Variants in ZBTB7C observed in about 807,000 individuals in gnomAD.
ZBTB7C encodes the protein zinc finger and BTB domain containing 7C.
ZBTB7C carries 8 observed loss-of-function variants against 25.7 expected under a neutral mutation model. The observed-to-expected ratio is 0.31, with a 90% CI of 0.18 to 0.56. ZBTB7C has a LOEUF of 0.56. ZBTB7C is among the 20% of genes least tolerant of loss of function. ZBTB7C has a pLI of 0.91. For missense variants in ZBTB7C, 824 were observed against 855.2 expected (o/e 0.96, Z 0.46); for synonymous variants, 394 against 369.0 (o/e 1.07, Z -0.78).
At chr18:48,298,668 G>A (rs2045464592) in intron 2 of ZBTB7C, among the ~76,000 whole-genome samples, 1 of 152,190 alleles carries the variant, frequency 6.6e-6, no homozygotes, top group Non-Finnish European at 1.5e-5. Context: ...GAGCCCAGGG[G>A]CCAGTGGCTC....
intron 1 of ZBTB7C, among the ~76,000 whole-genome samples, chr18:48,385,581 A>C (rs532196022): frequency 5.9e-5 from 9 of 152,392 alleles, no homozygotes; most frequent in African/African-American, 2.2e-4. Context: ...AAGTGGGCAA[A>C]CATGCCCTGC....
rs150306585 is a variant in ZBTB7C, at chr18:48,084,345, C to A, written c.-16-43222G>T. Among the ~76,000 whole-genome samples, 771 of 152,302 alleles carry A rather than the reference C, an allele frequency of 5.1e-3. 2 individuals are homozygous for A. Among genetic ancestry groups the A allele is most frequent in the Non-Finnish European group, 6.4e-3 (434 of 68,026 alleles). On this transcript the variant is annotated intron_variant, in intron 3 of 4. Coordinates refer to ENST00000590800, the MANE Select transcript of ZBTB7C (RefSeq NM_001318841.2). ...CCCACGATGGGGGCTTAGGTCTCTT[C>A]GCCCTGTTGTTTTGAGTAAGTTTCA...
chr18:48,184,462 T>C (rs2042004355), intron 3 of ZBTB7C, among the ~76,000 whole-genome samples: 1 of 152,062 alleles, frequency 6.6e-6, no homozygotes, highest in Admixed American at 6.6e-5. Flanking sequence ...ATCTGCAAAA[T>C]GGGAATACTG....
At chr18:48,245,124 C>T (rs1236003408) in intron 2 of ZBTB7C, among the ~76,000 whole-genome samples, 1 of 87,598 alleles carries the variant, frequency 1.1e-5, no homozygotes, top group Admixed American at 1.2e-4. Context: ...ACACACACAC[C>T]ATGGAATACT....
At chr18:48,134,408 A>G (rs1189863806) in intron 3 of ZBTB7C, among the ~76,000 whole-genome samples, 2 of 152,096 alleles carry the variant, frequency 1.3e-5, no homozygotes, top group Non-Finnish European at 2.9e-5. Context: ...AGCTAAAACG[A>G]AGGAGGACAG....
At chr18:48,058,245 G>T (rs1421116982) in intron 3 of ZBTB7C, among the ~76,000 whole-genome samples, 2 of 152,132 alleles carry the variant, frequency 1.3e-5, no homozygotes, top group Non-Finnish European at 2.9e-5. Flanking sequence ...AGCTCTAAAG[G>T]GTTGGACCCA....
intron 1 of ZBTB7C, among the ~76,000 whole-genome samples, chr18:48,395,253 G>T (rs371652284): frequency 2.0e-5 from 3 of 149,468 alleles, no homozygotes; most frequent in African/African-American, 7.4e-5. Context: ...TTTAAGGAGA[G>T]AGAGAGAGAG....
At chr18:48,291,348 T>C (rs2045223956) in intron 2 of ZBTB7C, among the ~76,000 whole-genome samples, 1 of 152,190 alleles carries the variant, frequency 6.6e-6, no homozygotes, top group South Asian at 2.1e-4. Context: ...CAGCCGAATC[T>C]TCCTCTACCT....
intron 2 of ZBTB7C, among the ~76,000 whole-genome samples, chr18:48,303,996 G>A (rs913227884): frequency 6.6e-6 from 1 of 152,162 alleles, no homozygotes; most frequent in African/African-American, 2.4e-5. Context: ...CCAGAGGTGG[G>A]AGCTACGACC....
At chr18:48,319,553 G>A (rs2046040016) in intron 2 of ZBTB7C, among the ~76,000 whole-genome samples, 1 of 152,118 alleles carries the variant, frequency 6.6e-6, no homozygotes, top group Non-Finnish European at 1.5e-5. Flanking sequence ...TGGTGTAGGT[G>A]GATCTGAATA....
At chr18:48,270,253 CTTTTTTTTT>C (rs760096959) in intron 2 of ZBTB7C, among the ~76,000 whole-genome samples, 1 of 98,754 alleles carries the variant, frequency 1.0e-5, no homozygotes, top group Non-Finnish European at 2.0e-5. Flanking sequence ...TTCTCTCTTT[CTTTTTTTTT>C]TTTTTTTTTT....
chr18:48,165,284 A>C, intron 3 of ZBTB7C: 1 of 475,250 alleles, frequency 2.1e-6, no homozygotes, highest in Non-Finnish European at 4.1e-6. Context: ...TGATTATTCC[A>C]GTTCCTCATG....
At chr18:48,259,230 G>A (rs546362391) in intron 2 of ZBTB7C, among the ~76,000 whole-genome samples, 8 of 152,324 alleles carry the variant, frequency 5.3e-5, no homozygotes, top group Non-Finnish European at 8.8e-5. Context: ...GATTATAGGC[G>A]TGAGCCACTG....
intron 2 of ZBTB7C, among the ~76,000 whole-genome samples, chr18:48,267,055 T>TTGC (rs2044336709): frequency 1.3e-5 from 2 of 152,198 alleles, no homozygotes; most frequent in Non-Finnish European, 2.9e-5. Context: ...ATTTTCACTG[T>TTGC]TGCAAATATG....
chr18:48,347,442 C>T (rs2046766963), intron 1 of ZBTB7C, among the ~76,000 whole-genome samples: 2 of 152,152 alleles, frequency 1.3e-5, no homozygotes, highest in Admixed American at 6.5e-5. Context: ...CCTAGGAAGC[C>T]CTCCAGAGGC....
intron 2 of ZBTB7C, among the ~76,000 whole-genome samples, chr18:48,298,790 C>T (rs905350746): frequency 5.3e-5 from 8 of 152,126 alleles, no homozygotes; most frequent in South Asian, 2.1e-4. Flanking sequence ...TAACCTAGTT[C>T]GCAGTCTCCT....
intron 3 of ZBTB7C, 45 bp from the exon 4 acceptor site, chr18:48,041,168 C>A: frequency 6.5e-7 from 1 of 1,529,382 alleles, no homozygotes. Context: ...TGAGCGTGGC[C>A]CCAGGAGGGG....
intron 2 of ZBTB7C, among the ~76,000 whole-genome samples, chr18:48,331,736 G>A (rs1023856315): frequency 8.5e-5 from 13 of 152,188 alleles, no homozygotes; most frequent in African/African-American, 3.1e-4. Flanking sequence ...TCACTTTCCC[G>A]AAGGGTAAAC....
At chr18:48,122,736 G>A (rs772705567) in intron 3 of ZBTB7C, among the ~76,000 whole-genome samples, 2 of 152,272 alleles carry the variant, frequency 1.3e-5, no homozygotes, top group Admixed American at 1.3e-4. Context: ...TTGGGCTTCC[G>A]GGATTCTTGT....
Sources: allele counts gnomAD v4.1 joint callset (sites outside exome capture counted in the v4.1 genomes callset), GRCh38; gene constraint gnomAD v4.1.1; transcripts MANE v1.5; gene names NCBI Gene and HGNC (gene_info 2026-07-23, HGNC 2026-07-21).